The following PDE7B variants were observed in gnomAD, a reference collection of about 807,000 sequenced individuals.
PDE7B encodes the protein phosphodiesterase 7B.
Under a neutral mutation model 56.2 loss-of-function variants are expected in PDE7B, and 29 were observed. That is an observed-to-expected ratio of 0.52 (90% CI 0.38 to 0.70). The LOEUF (loss-of-function observed/expected upper bound fraction) is 0.70. Among genes scored for constraint, PDE7B ranks in the 30% least tolerant of loss-of-function variants. The pLI is 0.00. For missense variants in PDE7B, 490 were observed against 565.0 expected (o/e 0.87, Z 1.35); for synonymous variants, 197 against 196.9 (o/e 1.00, Z 0.00).
chr6:135,978,569 T>C (rs1775232949), intron 2 of PDE7B, among the ~76,000 whole-genome samples: 1 of 152,142 alleles, frequency 6.6e-6, no homozygotes, highest in Non-Finnish European at 1.5e-5. Context: ...TTTTTACTCT[T>C]ATAATACTTT....
chr6:135,961,277 GTGTA>G (rs771279082), intron 2 of PDE7B, among the ~76,000 whole-genome samples: 1,631 of 133,298 alleles, frequency 0.012, 19 homozygotes, highest in African/African-American at 0.026. Flanking sequence ...GTGTGTGTGT[GTGTA>G]TGTGTGTGTG....
intron 2 of PDE7B, among the ~76,000 whole-genome samples, chr6:136,069,021 G>A (rs1157537634): frequency 1.3e-5 from 2 of 152,120 alleles, no homozygotes; most frequent in African/African-American, 4.8e-5. Flanking sequence ...CTGGTCACCT[G>A]TGCCTGAATT....
intron 1 of PDE7B, among the ~76,000 whole-genome samples, chr6:135,927,320 G>A (rs143808092): frequency 1.7e-3 from 256 of 152,228 alleles, no homozygotes; most frequent in Non-Finnish European, 2.9e-3. Context: ...CAGGTAGTGT[G>A]AGGCCTCCAG....
chr6:135,901,480 GT>G (rs1435652087), intron 1 of PDE7B, among the ~76,000 whole-genome samples: 2 of 152,148 alleles, frequency 1.3e-5, no homozygotes, highest in African/African-American at 4.8e-5. Flanking sequence ...GACTGAATGA[GT>G]ACAGACCTTT....
intron 2 of PDE7B, among the ~76,000 whole-genome samples, chr6:135,970,240 A>C (rs764454727): frequency 6.6e-6 from 1 of 152,164 alleles, no homozygotes; most frequent in Non-Finnish European, 1.5e-5. Flanking sequence ...ACTATGGAGA[A>C]AAGAAAAGCA....
intron 9 of PDE7B, among the ~76,000 whole-genome samples, 196 bp from the exon 10 acceptor site, chr6:136,178,801 G>A (rs1328233181): frequency 6.6e-6 from 1 of 152,094 alleles, no homozygotes; most frequent in African/African-American, 2.4e-5. Flanking sequence ...ACAGTTCTTG[G>A]CATGCTTCCT....
chr6:136,180,554 A>G (rs984958791), intron 10 of PDE7B, among the ~76,000 whole-genome samples: 1 of 152,202 alleles, frequency 6.6e-6, no homozygotes, highest in African/African-American at 2.4e-5. Flanking sequence ...AATTGGGTCA[A>G]ACCAATGGAC....
At chr6:136,120,286 T>C (rs1777908073) in intron 3 of PDE7B, among the ~76,000 whole-genome samples, 1 of 152,200 alleles carries the variant, frequency 6.6e-6, no homozygotes, top group Non-Finnish European at 1.5e-5. Context: ...CCCCCTACAA[T>C]GCCTGCAGCA....
chr6:136,145,582 T>G (rs1012694140), intron 3 of PDE7B, among the ~76,000 whole-genome samples: 1 of 152,180 alleles, frequency 6.6e-6, no homozygotes, highest in African/African-American at 2.4e-5. Flanking sequence ...TGTGCTCAAG[T>G]ACTGTGAATA....
At chr6:135,870,697 C>T (rs952418324) in intron 1 of PDE7B, among the ~76,000 whole-genome samples, 2 of 151,810 alleles carry the variant, frequency 1.3e-5, no homozygotes, top group Non-Finnish European at 2.9e-5. Flanking sequence ...AGGACACATT[C>T]AGCTTGAGAG....
chr6:136,081,596 T>A (rs1414348532), intron 2 of PDE7B, among the ~76,000 whole-genome samples: 1 of 152,210 alleles, frequency 6.6e-6, no homozygotes, highest in Admixed American at 6.5e-5. Context: ...GCCTTGCCTC[T>A]CGCATTAGTG....
intron 2 of PDE7B, among the ~76,000 whole-genome samples, chr6:136,015,624 A>G (rs1415559205): frequency 2.0e-5 from 3 of 152,212 alleles, no homozygotes; most frequent in Non-Finnish European, 4.4e-5. Context: ...GAAATTGTCA[A>G]CTATGAAAGT....
intron 2 of PDE7B, among the ~76,000 whole-genome samples, chr6:136,058,600 G>T (rs2128212258): frequency 6.6e-6 from 1 of 152,254 alleles, no homozygotes; most frequent in South Asian, 2.1e-4. Flanking sequence ...CCTAGTTTAT[G>T]ATATTCCAAT....
intron 3 of PDE7B, among the ~76,000 whole-genome samples, chr6:136,140,231 G>T (rs186709950): frequency 3.3e-5 from 5 of 152,044 alleles, no homozygotes; most frequent in Non-Finnish European, 5.9e-5. Context: ...ATAGGGAATC[G>T]TTTCCCCATT....
chr6:136,123,620 G>T (rs1777975678), intron 3 of PDE7B, among the ~76,000 whole-genome samples: 1 of 152,198 alleles, frequency 6.6e-6, no homozygotes, highest in South Asian at 2.1e-4. Flanking sequence ...TGTTTTGAAA[G>T]AATTATAGCA....
At chr6:135,927,106 C>A (rs1474125097) in intron 1 of PDE7B, among the ~76,000 whole-genome samples, 1 of 152,160 alleles carries the variant, frequency 6.6e-6, no homozygotes, top group Non-Finnish European at 1.5e-5. Context: ...ACAAACAATA[C>A]ATTTTGTCAT....
chr6:136,152,846 A>G (rs1237485129), intron 6 of PDE7B, among the ~76,000 whole-genome samples: 4 of 152,206 alleles, frequency 2.6e-5, no homozygotes, highest in African/African-American at 9.6e-5. Context: ...CATCTGCTGG[A>G]AGCTCTTCCA....
intron 2 of PDE7B, among the ~76,000 whole-genome samples, chr6:135,949,593 A>AT (rs1169591139): frequency 6.6e-6 from 1 of 152,106 alleles, no homozygotes. Context: ...ACCTTACATA[A>AT]TTAGATCATT....
At chr6:135,899,137 G>A (rs1486083163) in intron 1 of PDE7B, among the ~76,000 whole-genome samples, 1 of 152,064 alleles carries the variant, frequency 6.6e-6, no homozygotes, top group Non-Finnish European at 1.5e-5. Flanking sequence ...TTCACCTTCT[G>A]CCATGATTGT....
Sources: gnomAD v4.1 joint callset for allele counts (sites outside exome capture counted in the v4.1 genomes callset) on GRCh38, gnomAD v4.1.1 for gene constraint, MANE v1.5 for transcripts, NCBI Gene and HGNC (gene_info 2026-07-23, HGNC 2026-07-21) for gene names.